OSBPL1A: variants seen among roughly 807,000 people sequenced by gnomAD.
OSBPL1A encodes oxysterol binding protein like 1A, also known as oxysterol-binding protein-related protein 1.
In OSBPL1A, 80 loss-of-function variants were observed where a neutral mutation model predicts 137.1. That is an observed-to-expected ratio of 0.58 (90% CI 0.49 to 0.70). OSBPL1A has a LOEUF of 0.70. Ranked by LOEUF, OSBPL1A falls within the 30% of genes least tolerant of loss-of-function variation. The pLI is 0.00. For missense variants in OSBPL1A, 970 were observed against 1,129.4 expected, an observed-to-expected ratio of 0.86 and a Z score of 2.02; for synonymous variants, 365 against 389.7, an observed-to-expected ratio of 0.94 and a Z score of 0.75.
chr18:24,288,241 A>G (rs2090104725), intron 14 of OSBPL1A, among the ~76,000 whole-genome samples: 1 of 152,224 alleles, frequency 6.6e-6, no homozygotes, highest in Non-Finnish European at 1.5e-5. Flanking sequence ...ACCCAAATGC[A>G]TGAGAAAAGG....
chr18:24,320,182 C>T lies in OSBPL1A; in HGVS notation c.626-1373G>A, dbSNP rs997561660. ...TGTTGGCAATTTTTTTGTATGATAT[C>T]CCCTAATGAGGGTCTGTTATGTACC... On this transcript the variant is annotated intron_variant, in intron 7 of 27. Coordinates refer to ENST00000319481, the MANE Select transcript of OSBPL1A (RefSeq NM_080597.4). Among the ~76,000 whole-genome samples, 9 of 151,832 alleles carry T rather than the reference C, an allele frequency of 5.9e-5. 1 individual carries two copies. The highest frequency in any genetic ancestry group is 1.5e-4 in the African/African-American group (6 of 41,278).
At chr18:24,380,506 G>A (rs537726265) in intron 1 of OSBPL1A, among the ~76,000 whole-genome samples, 172 of 152,212 alleles carry the variant, frequency 1.1e-3, no homozygotes, top group Non-Finnish European at 2.0e-3. Context: ...TGAGCTCAGA[G>A]GCAGAAAGTG....
chr18:24,362,492 T>C lies in OSBPL1A; in HGVS notation c.282+4400A>G, dbSNP rs548886746. Among the ~76,000 whole-genome samples the C allele has an allele frequency of 2.0e-5, 3 of 152,348 alleles. No individual in the cohort carries two copies. The South Asian group carries it at 6.2e-4, about 32-fold the overall frequency. On this transcript the variant is annotated intron_variant, in intron 4 of 27. Transcript: ENST00000319481. ...GCTTAGCACATACAGAATTGACTCATGGTAACGTATTAAAAGTTAGTTAAA... is the reference window on the plus strand; with the variant it reads ...GCTTAGCACATACAGAATTGACTCACGGTAACGTATTAAAAGTTAGTTAAA...
chr18:24,267,705 G>A (rs2089613196), intron 15 of OSBPL1A, among the ~76,000 whole-genome samples: 1 of 151,812 alleles, frequency 6.6e-6, no homozygotes, highest in African/African-American at 2.4e-5. Flanking sequence ...AGACACCAAA[G>A]AACATCTGAT....
At chr18:24,362,264 T>C (rs564179244) in intron 4 of OSBPL1A, among the ~76,000 whole-genome samples, 1 of 152,118 alleles carries the variant, frequency 6.6e-6, no homozygotes, top group African/African-American at 2.4e-5. Flanking sequence ...CAGCAAGTAG[T>C]TCACGTAGTC....
At chr18:24,183,482 G>C (rs1210237479) in intron 18 of OSBPL1A, among the ~76,000 whole-genome samples, 1 of 151,024 alleles carries the variant, frequency 6.6e-6, no homozygotes, top group African/African-American at 2.4e-5. Context: ...GCCCAGGCTG[G>C]AGTGCAAAGG....
intron 17 of OSBPL1A, among the ~76,000 whole-genome samples, chr18:24,199,012 C>G (rs1362088570): frequency 2.0e-5 from 3 of 151,992 alleles, no homozygotes; most frequent in African/African-American, 7.3e-5. Context: ...TACCCGCCAC[C>G]ATGCCTGGCT....
intron 27 of OSBPL1A, among the ~76,000 whole-genome samples, 171 bp downstream of exon 27, chr18:24,164,894 T>C (rs982583182): frequency 4.6e-5 from 7 of 152,182 alleles, no homozygotes; most frequent in Non-Finnish European, 1.0e-4. Context: ...CATCAATGGA[T>C]GAATGGATAA....
intron 1 of OSBPL1A, among the ~76,000 whole-genome samples, chr18:24,385,395 A>G (rs1906897668): frequency 6.6e-6 from 1 of 152,200 alleles, no homozygotes; most frequent in South Asian, 2.1e-4. Context: ...TGTCTCTAAA[A>G]ATAAATAAAT....
intron 15 of OSBPL1A, chr18:24,272,327 G>T: frequency 1.0e-6 from 1 of 961,824 alleles, no homozygotes; most frequent in Non-Finnish European, 1.2e-6. Context: ...CTCCAGTCCT[G>T]CCTGTCACTT....
intron 4 of OSBPL1A, among the ~76,000 whole-genome samples, chr18:24,361,332 G>A (rs1599714455): frequency 6.6e-6 from 1 of 152,084 alleles, no homozygotes. Context: ...TGGCAGTGAT[G>A]TTTTTTTGTG....
At position 24,317,136 on chromosome 18, in the gene OSBPL1A, T is replaced by C. The variant is rs756068590; in HGVS notation, c.870+13A>G. The C allele has an allele frequency of 8.1e-6, 13 of 1,613,498 alleles. No homozygotes were observed. Among genetic ancestry groups the C allele is most frequent in the Non-Finnish European group, 8.5e-6 (10 of 1,179,632 alleles). On this transcript the variant is annotated intron_variant, in intron 11 of 27. Transcript: ENST00000319481. ...CACAGTTAGAGGAGCAAATGATCCA[T>C]GTTTCATCCTACCGTGCATACTGCT...
At chr18:24,235,064 C>A (rs114987256) in intron 16 of OSBPL1A, among the ~76,000 whole-genome samples, 4 of 152,062 alleles carry the variant, frequency 2.6e-5, no homozygotes, top group African/African-American at 7.2e-5. Context: ...CTTGAAGGTC[C>A]GTGAAGGCAT....
chr18:24,253,207 C>T (rs2089163341), intron 15 of OSBPL1A, among the ~76,000 whole-genome samples: 1 of 144,518 alleles, frequency 6.9e-6, no homozygotes, highest in Non-Finnish European at 1.5e-5. Flanking sequence ...CAAGACCCCA[C>T]AATCTGTTGC....
At chr18:24,320,412 G>A (rs1043955986) in intron 7 of OSBPL1A, among the ~76,000 whole-genome samples, 2 of 152,152 alleles carry the variant, frequency 1.3e-5, no homozygotes, top group African/African-American at 4.8e-5. Flanking sequence ...GAGGATGAGG[G>A]GTTGATCAGG....
intron 21 of OSBPL1A, among the ~76,000 whole-genome samples, chr18:24,176,887 C>T (rs915993644): frequency 6.6e-6 from 1 of 152,076 alleles, no homozygotes; most frequent in Admixed American, 6.5e-5. Context: ...CAGGGGACCC[C>T]TTTCTTGAGC....
chr18:24,199,299 G>A (rs772958570), intron 17 of OSBPL1A, among the ~76,000 whole-genome samples: 1 of 152,138 alleles, frequency 6.6e-6, no homozygotes, highest in Non-Finnish European at 1.5e-5. Flanking sequence ...TGGGGGTGTG[G>A]CGAACAGTGG....
intron 17 of OSBPL1A, among the ~76,000 whole-genome samples, chr18:24,204,367 C>T (rs975130576): frequency 2.0e-4 from 31 of 152,006 alleles, no homozygotes; most frequent in Admixed American, 8.5e-4. Flanking sequence ...ACATCTATAC[C>T]GCTGGATTTT....
chr18:24,305,052 C>T (rs972677732), intron 13 of OSBPL1A, among the ~76,000 whole-genome samples: 1 of 152,148 alleles, frequency 6.6e-6, no homozygotes, highest in Non-Finnish European at 1.5e-5. Flanking sequence ...AAATGCATCA[C>T]TCATGATGAA....
Sources: allele counts gnomAD v4.1 joint callset (sites outside exome capture counted in the v4.1 genomes callset), GRCh38; gene constraint gnomAD v4.1.1; transcripts MANE v1.5; gene names NCBI Gene and HGNC (gene_info 2026-07-23, HGNC 2026-07-21).